CNTNAP2: variants seen among roughly 807,000 people sequenced by gnomAD.
CNTNAP2 encodes the protein contactin-associated protein-like 2.
Under a neutral mutation model 155.2 loss-of-function variants are expected in CNTNAP2, and 98 were observed. The ratio of observed to expected loss-of-function variants is 0.63; its 90% CI spans 0.54 to 0.75. The LOEUF is 0.75. CNTNAP2 is among the 30% of genes least tolerant of loss of function. The pLI, the probability that CNTNAP2 is intolerant of heterozygous loss-of-function variation, is 0.00. For missense variants in CNTNAP2, 1,727 were observed against 1,688.1 expected, an observed-to-expected ratio of 1.02 and a Z score of -0.40; for synonymous variants, 651 against 631.2, an observed-to-expected ratio of 1.03 and a Z score of -0.47.
chr7:146,992,735 C>T (rs1404476356), intron 3 of CNTNAP2, among the ~76,000 whole-genome samples: 2 of 151,998 alleles, frequency 1.3e-5, no homozygotes, highest in African/African-American at 4.8e-5. Flanking sequence ...AACTATCTAA[C>T]ATAACTGTCA....
rs1800058582 is a variant in CNTNAP2, at chr7:148,419,174, T to C, written c.*3558T>C. ...AGTAAACGTTTTAATGGCCCGTTTA[T>C]GTCTCATGCCTCCAAACAACACTGA... On this transcript the variant is annotated 3_prime_UTR_variant, in exon 24 of 24. Transcript: ENST00000361727. 6.6e-6 allele frequency: 1 copy of C among 152,244 alleles called. No homozygotes were observed. Among genetic ancestry groups the C allele is most frequent in the Non-Finnish European group, 1.5e-5 (1 of 68,050 alleles). 9.4% of individuals were successfully genotyped at this position (152,244 alleles called of 1,614,324 possible).
At chr7:146,544,065 A>G (rs1344023326) in intron 1 of CNTNAP2, among the ~76,000 whole-genome samples, 1 of 151,974 alleles carries the variant, frequency 6.6e-6, no homozygotes, top group South Asian at 2.1e-4. Flanking sequence ...TTCTCATAAA[A>G]TTAGTTTAAA....
At chr7:146,792,209 A>G (rs1802686959) in intron 2 of CNTNAP2, among the ~76,000 whole-genome samples, 1 of 152,070 alleles carries the variant, frequency 6.6e-6, no homozygotes, top group Admixed American at 6.6e-5. Context: ...GAACATTGCA[A>G]TCTTTCTTTT....
At chr7:147,476,329 TCTG>T (rs1253904357) in intron 10 of CNTNAP2, among the ~76,000 whole-genome samples, 1 of 151,884 alleles carries the variant, frequency 6.6e-6, no homozygotes, top group Non-Finnish European at 1.5e-5. Flanking sequence ...ATGGTCTCAA[TCTG>T]CTGACCTCAT....
chr7:146,619,074 C>CA (rs397974061), intron 1 of CNTNAP2, among the ~76,000 whole-genome samples: 2,988 of 85,524 alleles, frequency 0.035, 41 homozygotes, highest in Middle Eastern at 0.13. Flanking sequence ...GACTTCATCT[C>CA]AAAAAAAAAA....
rs535703902 is a variant in CNTNAP2, at chr7:147,344,495, T to C, written c.1498+44205T>C. On this transcript the variant is annotated intron_variant, in intron 9 of 23. Transcript: ENST00000361727. The stretch of plus-strand genomic sequence containing the variant: ...ATAATTTTTCTCTGGGCTATTGTTA[T>C]TGCTAGTCTTCAGAGAAGCTTGTGT... 2.4e-4 allele frequency among the ~76,000 whole-genome samples: 37 copies of C among 152,306 alleles called. 1 individual carries two copies. The highest frequency in any genetic ancestry group is 7.2e-4 in the African/African-American group (30 of 41,566).
intron 3 of CNTNAP2, among the ~76,000 whole-genome samples, chr7:146,898,613 G>A (rs1414918442): frequency 2.6e-5 from 4 of 151,876 alleles, no homozygotes; most frequent in Admixed American, 6.6e-5. Flanking sequence ...ATAACCGCAA[G>A]CTGTATTGAA....
chr7:147,124,139 A>C (rs909882067), intron 6 of CNTNAP2, among the ~76,000 whole-genome samples: 2 of 152,172 alleles, frequency 1.3e-5, no homozygotes, highest in Non-Finnish European at 2.9e-5. Flanking sequence ...CCACACACTA[A>C]CTATACTCAA....
intron 13 of CNTNAP2, among the ~76,000 whole-genome samples, chr7:147,819,534 A>G (rs970901599): frequency 6.6e-6 from 1 of 152,192 alleles, no homozygotes; most frequent in African/African-American, 2.4e-5. Flanking sequence ...TATTTTAATT[A>G]TAGTGTTTTT....
At chr7:147,316,535 TTTTA>T (rs1795236581) in intron 9 of CNTNAP2, among the ~76,000 whole-genome samples, 1 of 152,156 alleles carries the variant, frequency 6.6e-6, no homozygotes, top group Non-Finnish European at 1.5e-5. Context: ...AGTGTTAAGA[TTTTA>T]TTTATGTGGA....
chr7:146,975,161 A>G (rs1424092286), intron 3 of CNTNAP2, among the ~76,000 whole-genome samples: 1 of 152,000 alleles, frequency 6.6e-6, no homozygotes, highest in East Asian at 1.9e-4. Flanking sequence ...GAGAATCCAG[A>G]GTGAATAAGA....
chr7:148,081,780 G>T (rs1489873162), intron 15 of CNTNAP2, among the ~76,000 whole-genome samples: 1 of 152,022 alleles, frequency 6.6e-6, no homozygotes, highest in Admixed American at 6.6e-5. Flanking sequence ...GAGGCCTGAG[G>T]GGGTAGTAAT....
At chr7:147,886,735 AG>A (rs1799606760) in intron 13 of CNTNAP2, among the ~76,000 whole-genome samples, 1 of 152,102 alleles carries the variant, frequency 6.6e-6, no homozygotes, top group Admixed American at 6.5e-5. Flanking sequence ...ATACCTGAGG[AG>A]GTAGTGCCAG....
rs989514158 is a variant in CNTNAP2, at chr7:147,543,033, G to C, written c.1778-19105G>C. Among the ~76,000 whole-genome samples, 3 of 152,320 alleles carry C rather than the reference G, an allele frequency of 2.0e-5. 1 individual carries two copies. The highest frequency in any genetic ancestry group is 2.1e-4 in the South Asian group (1 of 4,828). ...TAGAGGAATTAAAGACACACACACAGAAATATAGAGGTGTGAAGTGGGAAA... is the reference window on the plus strand; with the variant it reads ...TAGAGGAATTAAAGACACACACACACAAATATAGAGGTGTGAAGTGGGAAA... On this transcript the variant is annotated intron_variant, in intron 11 of 23. Coordinates refer to ENST00000361727, the MANE Select transcript of CNTNAP2 (RefSeq NM_014141.6).
intron 1 of CNTNAP2, among the ~76,000 whole-genome samples, chr7:146,320,250 A>G (rs1406836985): frequency 1.3e-5 from 2 of 152,072 alleles, no homozygotes; most frequent in Admixed American, 1.3e-4. Flanking sequence ...TGAACTTTGC[A>G]GATATTATAC....
intron 3 of CNTNAP2, among the ~76,000 whole-genome samples, chr7:146,871,497 T>C (rs900480984): frequency 6.6e-6 from 1 of 151,800 alleles, no homozygotes; most frequent in Non-Finnish European, 1.5e-5. Context: ...GCCACTGTAC[T>C]CCAGCCTGGG....
chr7:147,709,309 G>T (rs776555994), intron 13 of CNTNAP2, among the ~76,000 whole-genome samples: 1 of 152,098 alleles, frequency 6.6e-6, no homozygotes, highest in Non-Finnish European at 1.5e-5. Context: ...AGCTTCCTAT[G>T]CCCAATCCCG....
At chr7:146,209,036 G>A (rs1798994428) in intron 1 of CNTNAP2, among the ~76,000 whole-genome samples, 1 of 152,092 alleles carries the variant, frequency 6.6e-6, no homozygotes, top group African/African-American at 2.4e-5. Flanking sequence ...GGATATAACA[G>A]CTCCAAAGTG....
intron 22 of CNTNAP2, among the ~76,000 whole-genome samples, chr7:148,400,064 C>T (rs1425606081): frequency 6.6e-6 from 1 of 152,096 alleles, no homozygotes; most frequent in East Asian, 1.9e-4. Flanking sequence ...TCCGTATGCC[C>T]CTTAATGTTT....
Sources: gnomAD v4.1 joint callset for allele counts (sites outside exome capture counted in the v4.1 genomes callset) on GRCh38, gnomAD v4.1.1 for gene constraint, MANE v1.5 for transcripts, NCBI Gene and HGNC (gene_info 2026-07-23, HGNC 2026-07-21) for gene names.